The following DNHD1 variants were observed in gnomAD, a reference collection of about 807,000 sequenced individuals.
The protein encoded by DNHD1 is dynein heavy chain domain 1.
In DNHD1, 383 loss-of-function variants were observed where a neutral mutation model predicts 458.1. That is an observed-to-expected ratio of 0.84 (90% CI 0.77 to 0.91). The LOEUF (loss-of-function observed/expected upper bound fraction) is 0.91, where lower values mean the gene tolerates loss of function less well. DNHD1 is among the 40% of genes least tolerant of loss of function. The pLI is 0.00. For missense variants in DNHD1, 5,336 were observed against 5,866.1 expected, an observed-to-expected ratio of 0.91 and a Z score of 2.95; for synonymous variants, 2,203 against 2,376.9, an observed-to-expected ratio of 0.93 and a Z score of 2.13.
In DNHD1 at chr11:6,512,565, G is replaced by T. The variant is rs80200182; in HGVS notation, c.1392+1136G>T. On this transcript the variant is annotated intron_variant, in intron 7 of 42. Coordinates refer to ENST00000254579, the MANE Select transcript of DNHD1 (RefSeq NM_144666.3). ...TTCCTAGGAGGAACCAATAACTTCT[G>T]TTGATTGCTCTGGTTGAAATCTTAA... Among the ~76,000 whole-genome samples the T allele has an allele frequency of 1.6e-3, 244 of 152,182 alleles. 1 individual carries two copies. Among genetic ancestry groups the T allele is most frequent in the African/African-American group, 5.4e-3 (225 of 41,532 alleles).
intron 18 of DNHD1, among the ~76,000 whole-genome samples, chr11:6,543,686 A>G (rs1467358030): frequency 6.6e-6 from 1 of 152,122 alleles, no homozygotes; most frequent in Non-Finnish European, 1.5e-5. Flanking sequence ...GCAGCTGGGC[A>G]TGGTGGCTTA....
At position 6,533,621 on chromosome 11, in the gene DNHD1, T is replaced by C. The variant is rs1852877458; in HGVS notation, c.2506-60T>C. 8.1e-6 allele frequency: 12 copies of C among 1,486,550 alleles called. No individual in the cohort carries two copies. The South Asian group carries it at 1.5e-4, about 19-fold the overall frequency. The allele number at this position is 1,486,550 out of a possible 1,614,324, so 92.1% of individuals were successfully genotyped here. On this transcript the variant is annotated intron_variant, in intron 13 of 42. Transcript: ENST00000254579. ...AAAAGGTGGGAGTTCCCCTTGGGGA[T>C]GGGACCAAAGAGGTACATGGGGTTG...
intron 3 of DNHD1, among the ~76,000 whole-genome samples, chr11:6,499,964 G>A (rs997789540): frequency 6.7e-5 from 5 of 75,044 alleles, no homozygotes; most frequent in Non-Finnish European, 1.4e-4. Context: ...TCTAACTTTC[G>A]ATTTTTTTTT....
At chr11:6,531,629 T>A (rs1438729618) in intron 12 of DNHD1, among the ~76,000 whole-genome samples, 1 of 152,202 alleles carries the variant, frequency 6.6e-6, no homozygotes, top group Admixed American at 6.5e-5. Flanking sequence ...GTTTAGATCT[T>A]CATGTTCTGT....
At chr11:6,544,756 T>C (rs1470139873) in intron 20 of DNHD1, 36 bp from the exon 21 acceptor site, 1 of 1,542,190 alleles carries the variant, frequency 6.5e-7, no homozygotes, top group Non-Finnish European at 8.8e-7. Flanking sequence ...TGCCACTTCA[T>C]ATTGGCCCTC....
chr11:6,565,720 G>T lies in DNHD1; in HGVS notation c.10782G>T (p.Lys3594Asn). Residue 3594 changes from lysine to asparagine, a missense_variant, in exon 33 of 43, where the codon AAG (lysine) becomes AAT (asparagine). This residue lies in a region of DNHD1 where 695 missense variants were observed against 804.2 expected (regional missense o/e 0.86). Transcript: ENST00000254579. ...GRGKGLMRNQ[K>N]RESKTDMKEE... is the part of the protein sequence containing the mutation. ...GGAAAGGCCTCATGAGAAATCAAAA[G>T]AGAGAGAGTAAAACGGACATGAAAG... is the stretch of plus-strand genomic sequence containing the variant. 6.5e-7 allele frequency: 1 copy of T among 1,549,116 alleles called. No individual in the cohort carries two copies. The highest frequency in any genetic ancestry group is 1.2e-5 in the South Asian group (1 of 83,504).
At chr11:6,553,206 A>T (rs1015433216) in intron 24 of DNHD1, among the ~76,000 whole-genome samples, 3 of 152,264 alleles carry the variant, frequency 2.0e-5, no homozygotes, top group Non-Finnish European at 4.4e-5. Flanking sequence ...CTGACTAAAC[A>T]TTGAAAAATC....
chr11:6,546,089 T>G lies in DNHD1; in HGVS notation c.5150T>G (p.Ile1717Arg). The part of the protein sequence containing the change: ...QLVMLPCSPQ[I>R]EAQCLSNYLN... ...GTGATGCTACCCTGCTCACCTCAGA[T>G]AGAGGCTCAATGCCTGAGCAACTAT... The change falls in exon 21 of 43, where the codon ATA (isoleucine) becomes AGA (arginine). Residue 1717 changes from isoleucine to arginine, a missense_variant. Transcript: ENST00000254579. The G allele has an allele frequency of 6.4e-7, 1 of 1,551,560 alleles. No homozygotes were observed. Among genetic ancestry groups the G allele is most frequent in the Non-Finnish European group, 8.7e-7 (1 of 1,146,852 alleles).
At chr11:6,512,388 T>G (rs1482221924) in intron 7 of DNHD1, among the ~76,000 whole-genome samples, 2 of 150,912 alleles carry the variant, frequency 1.3e-5, no homozygotes, top group East Asian at 3.9e-4. Flanking sequence ...GCCCGGCTAA[T>G]TTTTTTTGTA....
At chr11:6,532,926 C>G (rs1852857091) in intron 12 of DNHD1, 101 bp from the exon 13 acceptor site, 1 of 1,105,054 alleles carries the variant, frequency 9.0e-7, no homozygotes. Flanking sequence ...AATTCATGGT[C>G]TGACCTGCCA....
In DNHD1 at chr11:6,570,947, C is replaced by T. The variant is rs1223812975; in HGVS notation, c.13435C>T (p.Arg4479Trp). ...PWSVLGPNAR[R>W]PLEGVLETEA... Reference sequence around the variant, plus strand: ...GTCAGTGCTGGGGCCAAATGCACGGCGGCCTCTGGAGGGCGTCTTAGAGAC... The same window carrying T: ...GTCAGTGCTGGGGCCAAATGCACGGTGGCCTCTGGAGGGCGTCTTAGAGAC... The change falls in exon 42 of 43, where the codon CGG becomes TGG. Residue 4479 changes from arginine to tryptophan, a missense_variant. Arg to Trp is a moderately radical substitution (Grantham distance 101, BLOSUM62 -3). This residue lies in a region of DNHD1 where 698 missense variants were observed against 664.9 expected (regional missense o/e 1.05). Transcript: ENST00000254579. 4 of 1,608,256 alleles carry T rather than the reference C, an allele frequency of 2.5e-6. No individual in the cohort carries two copies. The highest frequency in any genetic ancestry group is 4.5e-5 in the East Asian group (2 of 44,716).
At position 6,571,316 on chromosome 11, in the gene DNHD1, C is replaced by G; in HGVS notation, c.13804C>G (p.Leu4602Val). 1 of 1,612,450 alleles carries G rather than the reference C, an allele frequency of 6.2e-7. No homozygotes were observed. The highest frequency in any genetic ancestry group is 1.1e-5 in the South Asian group (1 of 90,858). ...GCTGGCATTGCGTGGGGAAGCTGCC[C>G]TGGACCAGAATGTGCCCAGCTCGAA... is the stretch of plus-strand genomic sequence containing the variant. ...LLLALRGEAALDQNVPSSNFP... is the reference protein window; with the variant it reads ...LLLALRGEAAVDQNVPSSNFP... The change falls in exon 42 of 43, where the codon CTG becomes GTG. Residue 4602 changes from leucine to valine, a missense_variant. Transcript: ENST00000254579. This position sits in a 1 kb window ranked among gnomAD's most constrained non-coding sequence, Gnocchi z 5.0.
At chr11:6,526,442 C>T (rs903818035) in intron 10 of DNHD1, among the ~76,000 whole-genome samples, 2 of 151,972 alleles carry the variant, frequency 1.3e-5, no homozygotes, top group African/African-American at 4.8e-5. Flanking sequence ...TTCTATGCCT[C>T]GCTTTGTTTT....
chr11:6,539,867 C>G lies in DNHD1; in HGVS notation c.3421-9C>G. ...CCCAGTCCTGGTTCCTGAGACCCAG[C>G]TGTTCCAGGTCTGGCAGAATGAAAA... On this transcript the variant is annotated splice_polypyrimidine_tract_variant and intron_variant, in intron 17 of 42. Coordinates refer to ENST00000254579, the MANE Select transcript of DNHD1 (RefSeq NM_144666.3). 1 of 1,551,530 alleles carries G rather than the reference C, an allele frequency of 6.4e-7. No individual in the cohort carries two copies. The highest frequency in any genetic ancestry group is 8.7e-7 in the Non-Finnish European group (1 of 1,146,800).
At chr11:6,555,610 G>A (rs1202119109) in intron 24 of DNHD1, among the ~76,000 whole-genome samples, 1 of 152,132 alleles carries the variant, frequency 6.6e-6, no homozygotes, top group Non-Finnish European at 1.5e-5. Context: ...TACTACTCAG[G>A]AATAAAATGG....
chr11:6,558,367 A>T (rs1470532895), intron 25 of DNHD1, 70 bp downstream of exon 25: 26 of 1,532,628 alleles, frequency 1.7e-5, no homozygotes, highest in Non-Finnish European at 2.2e-5. Context: ...GCCAAAAGGA[A>T]TTCTGTGGGC....
chr11:6,512,377 T>TGC (rs1852359654), intron 7 of DNHD1, among the ~76,000 whole-genome samples: 1 of 145,780 alleles, frequency 6.9e-6, no homozygotes, highest in Admixed American at 6.7e-5. Flanking sequence ...CCCACCACCA[T>TGC]GCCCGGCTAA....
At chr11:6,570,144 G>C in intron 40 of DNHD1, 44 bp downstream of exon 40, 1 of 1,613,170 alleles carries the variant, frequency 6.2e-7, no homozygotes, top group Non-Finnish European at 8.5e-7. Flanking sequence ...GCCCCCAGGA[G>C]AGCCTGGAAG....
intron 6 of DNHD1, among the ~76,000 whole-genome samples, chr11:6,509,603 C>G (rs1852297586): frequency 6.6e-6 from 1 of 152,030 alleles, no homozygotes; most frequent in African/African-American, 2.4e-5. Context: ...ATATCTTAAA[C>G]CACTTGCACT....
Sources: gnomAD v4.1 joint callset for allele counts (sites outside exome capture counted in the v4.1 genomes callset) on GRCh38, gnomAD v4.1.1 for gene constraint, gnomAD v4.1.1 regional missense constraint, Gnocchi (gnomAD v3.1) non-coding constraint, MANE v1.5 for transcripts, NCBI Gene and HGNC (gene_info 2026-07-23, HGNC 2026-07-21) for gene names.